The following ACAD9 variants were observed in gnomAD, a reference collection of about 807,000 sequenced individuals.
ACAD9 encodes complex I assembly factor ACAD9, mitochondrial.
ACAD9 carries 53 observed loss-of-function variants against 70.2 expected under a neutral mutation model. That is an observed-to-expected ratio of 0.75 (90% CI 0.61 to 0.95). ACAD9 has a LOEUF of 0.95. ACAD9 is among the 40% of genes least tolerant of loss of function. The probability of loss-of-function intolerance (pLI) is 0.00; values close to 1 mark genes in which losing one functional copy is unlikely to be tolerated. For missense variants in ACAD9, 777 were observed against 802.8 expected, an observed-to-expected ratio of 0.97 and a Z score of 0.39; for synonymous variants, 313 against 312.1, an observed-to-expected ratio of 1.00 and a Z score of -0.03.
chr3:128,888,006 C>G (rs889187484), intron 2 of ACAD9, among the ~76,000 whole-genome samples: 1 of 152,150 alleles, frequency 6.6e-6, no homozygotes, highest in Non-Finnish European at 1.5e-5. Flanking sequence ...CCAACCAGGA[C>G]AGACAACCCT....
chr3:128,884,774 G>A (rs1002233668), intron 2 of ACAD9, 28 bp downstream of exon 2: 6 of 1,512,260 alleles, frequency 4.0e-6, no homozygotes, highest in East Asian at 2.3e-5. Context: ...TACCATTGCC[G>A]ATTTCCATTG....
rs534261693 is a variant in ACAD9 at position 128,899,912 on chromosome 3, G to A, written c.808+451G>A. Among the ~76,000 whole-genome samples the A allele has an allele frequency of 3.3e-5, 5 of 152,236 alleles. No homozygotes were observed. The East Asian group carries it at 5.8e-4, about 18-fold the overall frequency. ...TAGAGCAGATCATAAGCACCTAAGG[G>A]GCCAAGCCAAGCCATATAAGTACTA... On this transcript the variant is annotated intron_variant, in intron 7 of 17. Transcript: ENST00000308982.
At chr3:128,887,617 A>G (rs1935287461) in intron 2 of ACAD9, among the ~76,000 whole-genome samples, 2 of 125,294 alleles carry the variant, frequency 1.6e-5, no homozygotes, top group South Asian at 5.4e-4. Context: ...TCAAAAAAAA[A>G]TAAAAATAAA....
At chr3:128,906,650 C>T (rs62265263) in intron 12 of ACAD9, among the ~76,000 whole-genome samples, 7,257 of 152,230 alleles carry the variant, frequency 0.048, 355 homozygotes, top group African/African-American at 0.12. Flanking sequence ...CAACCAGGGC[C>T]GGGTGGAGGG....
chr3:128,910,763 G>C lies in ACAD9; in HGVS notation c.1715G>C (p.Cys572Ser), dbSNP rs778558550. The part of the protein sequence containing the change: ...DHEVLLANTF[C>S]VEAYLQNLFS... ...CAGGTTCTCTTGGCCAACACCTTCT[G>C]CGTGGAAGCTTACTTGCAGAATCTC... The change falls in exon 17 of 18, where the codon TGC (cysteine) becomes TCC (serine). Residue 572 changes from cysteine (C) to serine (S), a missense_variant. By Grantham distance (112) the Cys-to-Ser change is moderately radical. Coordinates refer to ENST00000308982, the MANE Select transcript of ACAD9 (RefSeq NM_014049.5). 5 of 1,614,070 alleles carry C rather than the reference G, an allele frequency of 3.1e-6. No individual in the cohort carries two copies. In the Admixed American group the frequency reaches 8.3e-5, roughly 27 times the overall value.
intron 3 of ACAD9, among the ~76,000 whole-genome samples, chr3:128,894,584 G>T (rs113060702): frequency 1.7e-4 from 25 of 150,804 alleles, no homozygotes; most frequent in Non-Finnish European, 3.5e-4. Flanking sequence ...ATCCAGGCTG[G>T]AGTGCAGTGG....
At chr3:128,880,169 C>T in intron 1 of ACAD9, 1 of 589,706 alleles carries the variant, frequency 1.7e-6, no homozygotes, top group Admixed American at 3.3e-5. Context: ...TGCGGGGCTT[C>T]CTCTCTGATT....
intron 1 of ACAD9, 166 bp downstream of exon 1, chr3:128,880,007 C>A (rs1935040082): frequency 6.5e-7 from 1 of 1,547,950 alleles, no homozygotes; most frequent in Non-Finnish European, 8.7e-7. Flanking sequence ...GAAAACCTTC[C>A]CAGAGAAAGG....
intron 6 of ACAD9, chr3:128,898,295 G>A (rs754236466): frequency 1.3e-5 from 5 of 378,176 alleles, no homozygotes; most frequent in Non-Finnish European, 2.6e-5. Flanking sequence ...CCTCCAGATC[G>A]CATGGTAACA....
chr3:128,881,420 C>T lies in ACAD9; in HGVS notation c.150+1579C>T, dbSNP rs551047387. ...GTTCACAGGCACAGTTACCCCCTCC[C>T]GCTGCATATGTGCCGGTATTATCTA... On this transcript the variant is annotated intron_variant, in intron 1 of 17. Coordinates refer to ENST00000308982, the MANE Select transcript of ACAD9 (RefSeq NM_014049.5). Among the ~76,000 whole-genome samples, 12 of 152,316 alleles carry T rather than the reference C, an allele frequency of 7.9e-5. 1 individual carries two copies. In the South Asian group the frequency reaches 1.5e-3, roughly 18 times the overall value.
chr3:128,898,582 T>C, intron 6 of ACAD9: 1 of 327,350 alleles, frequency 3.1e-6, no homozygotes. Flanking sequence ...TTTTTTTTGG[T>C]AGAGATGGGT....
chr3:128,904,559 CCTCA>C, intron 11 of ACAD9, 54 bp downstream of exon 11: 1 of 1,590,914 alleles, frequency 6.3e-7, no homozygotes, highest in Non-Finnish European at 8.5e-7. Context: ...GGGAAATCTC[CCTCA>C]CTGTGACCTT....
chr3:128,911,625 A>G (rs1197984319), intron 17 of ACAD9, among the ~76,000 whole-genome samples: 1 of 150,714 alleles, frequency 6.6e-6, no homozygotes, highest in Non-Finnish European at 1.5e-5. Flanking sequence ...TTTAGTAGAA[A>G]CAAACAGGGT....
At position 128,901,330 on chromosome 3, in the gene ACAD9, A is replaced by T; in HGVS notation, c.863A>T (p.Glu288Val). 1.2e-6 allele frequency: 2 copies of T among 1,614,122 alleles called. No individual in the cohort carries two copies. The highest frequency in any genetic ancestry group is 1.7e-6 in the Non-Finnish European group (2 of 1,179,996). ...TKIPVENILG[E>V]VGDGFKVAMN... ...ATACCTGTGGAAAACATCCTTGGAG[A>T]GGTCGGAGATGGGTTTAAGGTGAGT... is the stretch of plus-strand genomic sequence containing the variant. Residue 288 changes from glutamate to valine, a missense_variant, in exon 8 of 18, where the codon GAG (glutamate) becomes GTG (valine). By Grantham distance (121) the Glu-to-Val change is moderately radical. Coordinates refer to ENST00000308982, the MANE Select transcript of ACAD9 (RefSeq NM_014049.5).
In ACAD9 at chr3:128,893,591, C is replaced by T. The variant is rs997915305; in HGVS notation, c.281C>T (p.Pro94Leu). ...AAAATTGACCAGGAAGGGAAAATCC[C>T]AGATGAAACTTTGGAGAAATTGAAG... Reference protein sequence around the residue: ...SRKIDQEGKIPDETLEKLKSL... With the variant: ...SRKIDQEGKILDETLEKLKSL... The change falls in exon 3 of 18, where the codon CCA becomes CTA. Residue 94 changes from proline to leucine, a missense_variant. Physicochemically the swap from Pro to Leu is moderately conservative, Grantham distance 98 (BLOSUM62 -3). Coordinates refer to ENST00000308982, the MANE Select transcript of ACAD9 (RefSeq NM_014049.5). 1 of 1,614,134 alleles carries T rather than the reference C, an allele frequency of 6.2e-7. No homozygotes were observed. The highest frequency in any genetic ancestry group is 8.5e-7 in the Non-Finnish European group (1 of 1,180,018).
intron 10 of ACAD9, 41 bp from the exon 11 acceptor site, chr3:128,904,345 C>A (rs745470957): frequency 2.5e-6 from 4 of 1,614,040 alleles, no homozygotes; most frequent in Non-Finnish European, 3.4e-6. Flanking sequence ...TGGCTCTCAG[C>A]ACATGCAAAT....
Position 128,902,471 on chromosome 3 carries a change from T to C in ACAD9, c.883-82T>C. Reference sequence around the variant, plus strand: ...TCTCCCAGCTTGAGGGAAGGCAAGCTGATCCACCTGGCCTGGTTTCGTTGC... The same window carrying C: ...TCTCCCAGCTTGAGGGAAGGCAAGCCGATCCACCTGGCCTGGTTTCGTTGC... On this transcript the variant is annotated intron_variant, in intron 8 of 17. Coordinates refer to ENST00000308982, the MANE Select transcript of ACAD9 (RefSeq NM_014049.5). This position sits in a 1 kb window ranked among gnomAD's most constrained non-coding sequence, Gnocchi z 4.0. The C allele has an allele frequency of 7.1e-7, 1 of 1,412,136 alleles. No homozygotes were observed. The highest frequency in any genetic ancestry group is 1.7e-5 in the Admixed American group (1 of 59,708). 87.5% of individuals were successfully genotyped at this position (1,412,136 alleles called of 1,614,324 possible).
chr3:128,891,050 G>A (rs2107646864), intron 2 of ACAD9, among the ~76,000 whole-genome samples: 1 of 151,972 alleles, frequency 6.6e-6, no homozygotes, highest in Middle Eastern at 3.4e-3. Flanking sequence ...CACTATATTG[G>A]CCAGGCTGGT....
chr3:128,896,368 G>A, intron 4 of ACAD9, 68 bp from the exon 5 acceptor site: 1 of 1,484,314 alleles, frequency 6.7e-7, no homozygotes, highest in Non-Finnish European at 9.4e-7. Flanking sequence ...GAAAGGAAAT[G>A]TTTCACAAAC....
Sources: allele counts gnomAD v4.1 joint callset (sites outside exome capture counted in the v4.1 genomes callset), GRCh38; gene constraint gnomAD v4.1.1; non-coding constraint Gnocchi (gnomAD v3.1); transcripts MANE v1.5; gene names NCBI Gene and HGNC (gene_info 2026-07-23, HGNC 2026-07-21).